The following GNPTAB variants were observed in gnomAD, a reference collection of about 807,000 sequenced individuals.
GNPTAB encodes the protein N-acetylglucosamine-1-phosphate transferase subunits alpha and beta, also known as N-acetylglucosamine-1-phosphotransferase subunits alpha/beta.
Under a neutral mutation model 136.6 loss-of-function variants are expected in GNPTAB, and 92 were observed. That is an observed-to-expected ratio of 0.67 (90% CI 0.57 to 0.80). The LOEUF (loss-of-function observed/expected upper bound fraction) is 0.80. Ranked by LOEUF, GNPTAB falls within the 30% of genes least tolerant of loss-of-function variation. The probability of loss-of-function intolerance (pLI) is 0.00; values close to 1 mark genes in which losing one functional copy is unlikely to be tolerated. For synonymous variants in GNPTAB, 512 were observed against 535.1 expected (o/e 0.96, Z 0.60); for missense variants, 1,343 against 1,501.8 (o/e 0.89, Z 1.75).
rs397507562 is a variant in GNPTAB, at chr12:101,757,311, C to T, written c.3336-1G>A. Reference sequence around the variant, plus strand: ...TTCTTCTTCTCCCATGATTTCAAACCTAATTATCAAAACATATTTGAAGAG... The same window carrying T: ...TTCTTCTTCTCCCATGATTTCAAACTTAATTATCAAAACATATTTGAAGAG... On this transcript the variant is annotated splice_acceptor_variant, in intron 17 of 20. Transcript: ENST00000299314. LOFTEE classifies it high-confidence loss of function. 1 of 1,530,138 alleles carries T rather than the reference C, an allele frequency of 6.5e-7. No individual in the cohort carries two copies. The highest frequency in any genetic ancestry group is 9.0e-7 in the Non-Finnish European group (1 of 1,104,986). 94.8% of individuals were successfully genotyped at this position (1,530,138 alleles called of 1,614,324 possible). A position where few individuals can be genotyped will look rare whatever the true frequency, so the allele number is the denominator to read the frequency against.
Position 101,764,646 on chromosome 12 carries a change from T to C in GNPTAB, c.2271A>G (p.Glu757=), listed in dbSNP as rs187804764. 6.2e-6 allele frequency: 10 copies of C among 1,613,890 alleles called. No homozygotes were observed. The Admixed American group carries it at 1.0e-4, about 16-fold the overall frequency. Residue 757 remains glutamate (E), a synonymous_variant, in exon 13 of 21, where the codon GAA becomes GAG. Coordinates refer to ENST00000299314, the MANE Select transcript of GNPTAB (RefSeq NM_024312.5). The part of the protein sequence containing the change: ...KIKNQAIITD[E]TNDSLVAPQE... ...GTGGAGCCACCAAACTGTCATTTGT[T>C]TCATCTGTTATTATAGCTTGATTTT...
chr12:101,808,428 G>A (rs918922533), intron 1 of GNPTAB, among the ~76,000 whole-genome samples: 3 of 150,412 alleles, frequency 2.0e-5, no homozygotes, highest in Non-Finnish European at 4.4e-5. Flanking sequence ...TGTGGACCCA[G>A]CTACTCAGGA....
At chr12:101,765,330 T>G in intron 12 of GNPTAB, 26 bp from the exon 13 acceptor site, 1 of 1,502,738 alleles carries the variant, frequency 6.7e-7, no homozygotes. Flanking sequence ...GAAACATGAT[T>G]TTTTTTTTAA....
At chr12:101,783,209 C>T (rs922284788) in intron 5 of GNPTAB, among the ~76,000 whole-genome samples, 10 of 151,944 alleles carry the variant, frequency 6.6e-5, no homozygotes, top group Non-Finnish European at 1.3e-4. Flanking sequence ...CAGTACCTGG[C>T]ACACAGCAGG....
intron 1 of GNPTAB, among the ~76,000 whole-genome samples, chr12:101,800,463 T>C (rs1438909742): frequency 6.6e-6 from 1 of 151,814 alleles, no homozygotes; most frequent in East Asian, 1.9e-4. Context: ...AAACTTGTCT[T>C]AGAACAAAAT....
In GNPTAB at chr12:101,811,385, T is replaced by C. The variant is rs1021014731; in HGVS notation, c.118-14623A>G. ...ATTTAAATTTCACATAATTTTTTCT[T>C]TTTTTTTTTTTCTTTTTTACTCTAT... On this transcript the variant is annotated intron_variant, in intron 1 of 20. Transcript: ENST00000299314. Among the ~76,000 whole-genome samples, 16 of 23,704 alleles carry C rather than the reference T, an allele frequency of 6.7e-4. No homozygotes were observed. In the African/African-American group the frequency reaches 0.012, roughly 17 times the overall value. The allele number at this position is 23,704 out of a possible 152,430, so 15.6% of individuals were successfully genotyped here.
intron 19 of GNPTAB, 85 bp downstream of exon 19, chr12:101,753,283 TAAAA>T: frequency 8.9e-7 from 1 of 1,127,314 alleles, no homozygotes; most frequent in Non-Finnish European, 1.3e-6. Flanking sequence ...AGAAATTTCA[TAAAA>T]AAAACATTTC....
At chr12:101,787,786 G>A (rs1489484464) in intron 4 of GNPTAB, among the ~76,000 whole-genome samples, 2 of 151,924 alleles carry the variant, frequency 1.3e-5, no homozygotes, top group Non-Finnish European at 2.9e-5. Flanking sequence ...GGTGGTGCAT[G>A]CCTATAATCC....
chr12:101,805,998 TA>T lies in GNPTAB; in HGVS notation c.118-9237del, dbSNP rs200724288. 6.6e-5 allele frequency among the ~76,000 whole-genome samples: 10 copies of T among 152,272 alleles called. 1 individual carries two copies. In the East Asian group the frequency reaches 1.5e-3, roughly 23 times the overall value. ...ATTCATATAAATATGATAAAGCTAT[TA>T]AAAAATCACATTTTCAAACAATCGT... On this transcript the variant is annotated intron_variant, in intron 1 of 20. Transcript: ENST00000299314.
At chr12:101,773,488 G>A (rs540247572) in intron 7 of GNPTAB, 18 of 171,270 alleles carry the variant, frequency 1.1e-4, no homozygotes, top group South Asian at 4.6e-4. Flanking sequence ...CTGGCTTGGC[G>A]TAACCTCGAA....
intron 16 of GNPTAB, among the ~76,000 whole-genome samples, chr12:101,759,602 A>G (rs76745850): frequency 0.011 from 1,711 of 152,280 alleles, 40 homozygotes; most frequent in African/African-American, 0.039. Flanking sequence ...TGACATTCCA[A>G]TGCAGTCGTG....
intron 1 of GNPTAB, among the ~76,000 whole-genome samples, chr12:101,827,496 A>G (rs1871151373): frequency 6.6e-6 from 1 of 151,946 alleles, no homozygotes; most frequent in South Asian, 2.1e-4. Context: ...TTAGTCTCCC[A>G]AAGTCCTGGG....
At position 101,806,174 on chromosome 12, in the gene GNPTAB, T is replaced by C. The variant is rs541447357; in HGVS notation, c.118-9412A>G. Among the ~76,000 whole-genome samples, 187 of 152,248 alleles carry C rather than the reference T, an allele frequency of 1.2e-3. 1 individual carries two copies. In the South Asian group the frequency reaches 0.014, roughly 12 times the overall value. On this transcript the variant is annotated intron_variant, in intron 1 of 20. Coordinates refer to ENST00000299314, the MANE Select transcript of GNPTAB (RefSeq NM_024312.5). Reference sequence around the variant, plus strand: ...GGATAAAGTGTTTGATAAAACATTATATAAAAAAAGCAACAATCAAAACTA... The same window carrying C: ...GGATAAAGTGTTTGATAAAACATTACATAAAAAAAGCAACAATCAAAACTA...
intron 7 of GNPTAB, among the ~76,000 whole-genome samples, chr12:101,776,051 C>T (rs998780389): frequency 1.6e-4 from 25 of 151,842 alleles, no homozygotes; most frequent in African/African-American, 9.7e-5. Flanking sequence ...TATACACACA[C>T]GCTGCTTCCA....
At chr12:101,807,316 A>G (rs1869977377) in intron 1 of GNPTAB, among the ~76,000 whole-genome samples, 1 of 152,220 alleles carries the variant, frequency 6.6e-6, no homozygotes, top group Non-Finnish European at 1.5e-5. Flanking sequence ...AGTTTCACCT[A>G]ATATCATACT....
At chr12:101,791,517 G>C (rs1868989979) in intron 2 of GNPTAB, among the ~76,000 whole-genome samples, 1 of 151,508 alleles carries the variant, frequency 6.6e-6, no homozygotes, top group South Asian at 2.1e-4. Flanking sequence ...CATGTTTTAA[G>C]GAAGTTTACA....
Position 101,761,738 on chromosome 12 carries a change from A to G in GNPTAB, c.2741T>C (p.Leu914Ser), listed in dbSNP as rs1953000408. The change falls in exon 14 of 21, where the codon TTG becomes TCG. Residue 914 changes from leucine (L) to serine (S), a missense_variant. Coordinates refer to ENST00000299314, the MANE Select transcript of GNPTAB (RefSeq NM_024312.5). ...LDEEESLKTQ[L>S]AYFTDSKNTG... ...ATTTTTGCTATCAGTGAAGTATGCC[A>G]ATTGTGTCTTCAATGACTCTTCTTC... 6.2e-7 allele frequency: 1 copy of G among 1,613,288 alleles called. No homozygotes were observed.
intron 1 of GNPTAB, among the ~76,000 whole-genome samples, chr12:101,806,270 C>T (rs1378282236): frequency 6.6e-6 from 1 of 152,006 alleles, no homozygotes; most frequent in Non-Finnish European, 1.5e-5. Context: ...CATGTAAACA[C>T]AGACAAACAA....
At chr12:101,791,620 G>A (rs937936916) in intron 2 of GNPTAB, among the ~76,000 whole-genome samples, 2 of 152,158 alleles carry the variant, frequency 1.3e-5, no homozygotes, top group African/African-American at 4.8e-5. Context: ...TTCAAGTTTA[G>A]TACTTTCCAA....
Sources: allele counts gnomAD v4.1 joint callset (sites outside exome capture counted in the v4.1 genomes callset), GRCh38; gene constraint gnomAD v4.1.1; transcripts MANE v1.5; gene names NCBI Gene and HGNC (gene_info 2026-07-23, HGNC 2026-07-21).